The following CEP85L variants were observed in gnomAD, a reference collection of about 807,000 sequenced individuals.
CEP85L encodes centrosomal protein 85L.
In CEP85L, 60 loss-of-function variants were observed where a neutral mutation model predicts 100.3. The ratio of observed to expected loss-of-function variants is 0.60; its 90% CI spans 0.49 to 0.74. The LOEUF is 0.74. CEP85L is among the 30% of genes least tolerant of loss of function. CEP85L has a pLI of 0.00. For synonymous variants in CEP85L, 319 were observed against 322.7 expected, an observed-to-expected ratio of 0.99 and a Z score of 0.12; for missense variants, 973 against 936.2, an observed-to-expected ratio of 1.04 and a Z score of -0.51.
At chr6:118,650,382 T>C (rs1775468451) in intron 1 of CEP85L, among the ~76,000 whole-genome samples, 1 of 152,196 alleles carries the variant, frequency 6.6e-6, no homozygotes. Flanking sequence ...GGATTTATCC[T>C]AATTTTGTGG....
chr6:118,566,617 C>A (rs1353313702), intron 2 of CEP85L, among the ~76,000 whole-genome samples: 1 of 152,062 alleles, frequency 6.6e-6, no homozygotes, highest in Non-Finnish European at 1.5e-5. Context: ...CGGGGCTTTG[C>A]CATGTTGGGC....
intron 1 of CEP85L, among the ~76,000 whole-genome samples, chr6:118,671,698 G>A (rs1405102828): frequency 1.3e-5 from 2 of 152,156 alleles, no homozygotes; most frequent in Non-Finnish European, 2.9e-5. Flanking sequence ...AGCACTTTGG[G>A]AGGCTGAGGA....
chr6:118,579,122 T>C (rs534188227), intron 2 of CEP85L, among the ~76,000 whole-genome samples: 9 of 152,274 alleles, frequency 5.9e-5, no homozygotes, highest in African/African-American at 1.9e-4. Context: ...TCTTGAACTC[T>C]TAGGCTCAAG....
chr6:118,464,781 G>C lies in CEP85L; in HGVS notation c.*624C>G, dbSNP rs1173837870. The C allele has an allele frequency of 1.1e-5, 1 of 91,184 alleles. No individual in the cohort carries two copies. The highest frequency in any genetic ancestry group is 4.4e-5 in the African/African-American group (1 of 22,976). 5.6% of individuals were successfully genotyped at this position (91,184 alleles called of 1,614,324 possible). The stretch of plus-strand genomic sequence containing the variant: ...TGGAAAAACAGCTGACCTATCTACA[G>C]TACTAAAATCAGCTCAACCACAAAC... On this transcript the variant is annotated 3_prime_UTR_variant, in exon 13 of 13. Coordinates refer to ENST00000368491, the MANE Select transcript of CEP85L (RefSeq NM_001042475.3).
intron 3 of CEP85L, among the ~76,000 whole-genome samples, chr6:118,529,853 A>T (rs1777192870): frequency 6.6e-6 from 1 of 152,108 alleles, no homozygotes; most frequent in South Asian, 2.1e-4. Context: ...TAAAACCTTC[A>T]GACTAAAAGT....
chr6:118,635,403 T>C (rs73766591), intron 1 of CEP85L, among the ~76,000 whole-genome samples: 1 of 152,124 alleles, frequency 6.6e-6, no homozygotes, highest in Non-Finnish European at 1.5e-5. Flanking sequence ...TTTACATACA[T>C]GGAAGAAGCT....
chr6:118,489,984 TAC>T (rs377195681), intron 6 of CEP85L, among the ~76,000 whole-genome samples: 179 of 150,712 alleles, frequency 1.2e-3, no homozygotes, highest in Non-Finnish European at 1.9e-3. Context: ...TGTATATATA[TAC>T]ACACACACAC....
intron 4 of CEP85L, among the ~76,000 whole-genome samples, chr6:118,522,543 T>G (rs1776726364): frequency 6.6e-6 from 1 of 152,102 alleles, no homozygotes; most frequent in Non-Finnish European, 1.5e-5. Context: ...TATGGAAGTA[T>G]CAAGTTTTAA....
intron 2 of CEP85L, among the ~76,000 whole-genome samples, chr6:118,600,343 G>C (rs1473210063): frequency 4.4e-5 from 6 of 135,278 alleles, no homozygotes; most frequent in African/African-American, 1.6e-4. Context: ...GTGTGTGTGT[G>C]TGTGTGTGTG....
chr6:118,541,042 G>A (rs1213320647), intron 3 of CEP85L, among the ~76,000 whole-genome samples: 3 of 152,078 alleles, frequency 2.0e-5, no homozygotes, highest in Admixed American at 2.0e-4. Flanking sequence ...ACTTTTTCAA[G>A]TTAGCTAAGG....
intron 2 of CEP85L, among the ~76,000 whole-genome samples, chr6:118,605,951 T>C (rs1583154669): frequency 6.7e-6 from 1 of 149,664 alleles, no homozygotes; most frequent in African/African-American, 2.5e-5. Flanking sequence ...GAGGCAGAGG[T>C]TGCGGTGAGC....
At chr6:118,691,057 G>A (rs1304102938) in intron 1 of CEP85L, among the ~76,000 whole-genome samples, 1 of 151,826 alleles carries the variant, frequency 6.6e-6, no homozygotes. Flanking sequence ...AAGAGGGAGA[G>A]ACAGTTTAAA....
intron 11 of CEP85L, among the ~76,000 whole-genome samples, chr6:118,470,063 T>C (rs998975370): frequency 6.6e-6 from 1 of 152,178 alleles, no homozygotes; most frequent in Admixed American, 6.6e-5. Flanking sequence ...TATGTTAATG[T>C]TGATAGGAAC....
chr6:118,542,914 A>C (rs1485392813), intron 3 of CEP85L, among the ~76,000 whole-genome samples: 1 of 150,640 alleles, frequency 6.6e-6, no homozygotes, highest in Admixed American at 6.6e-5. Context: ...AAAAAAAAAA[A>C]AAAAAAAAAC....
intron 1 of CEP85L, among the ~76,000 whole-genome samples, chr6:118,709,653 G>C (rs1182360800): frequency 6.6e-6 from 1 of 151,338 alleles, no homozygotes; most frequent in Non-Finnish European, 1.5e-5. Flanking sequence ...AGACTTTCCA[G>C]CTTATTTTCT....
intron 2 of CEP85L, among the ~76,000 whole-genome samples, chr6:118,625,378 C>A (rs899250707): frequency 6.6e-6 from 1 of 152,206 alleles, no homozygotes; most frequent in African/African-American, 2.4e-5. Context: ...CCGCCACGCC[C>A]GAGCGCCTAT....
At chr6:118,646,561 C>G (rs1055625730) in intron 1 of CEP85L, among the ~76,000 whole-genome samples, 5 of 151,688 alleles carry the variant, frequency 3.3e-5, no homozygotes, top group Non-Finnish European at 7.4e-5. Flanking sequence ...CCCAGATACT[C>G]GGGAGGCTGA....
At chr6:118,595,045 C>A (rs966276748) in intron 2 of CEP85L, among the ~76,000 whole-genome samples, 1 of 152,090 alleles carries the variant, frequency 6.6e-6, no homozygotes, top group African/African-American at 2.4e-5. Flanking sequence ...GTCCTATACT[C>A]CCAGTTTCCT....
At chr6:118,468,932 G>C (rs984136231) in intron 12 of CEP85L, 140 bp downstream of exon 12, 1 of 624,000 alleles carries the variant, frequency 1.6e-6, no homozygotes, top group Admixed American at 2.8e-5. Context: ...GTAATAACAG[G>C]TATACATAAA....
Sources: allele counts gnomAD v4.1 joint callset (sites outside exome capture counted in the v4.1 genomes callset), GRCh38; gene constraint gnomAD v4.1.1; transcripts MANE v1.5; gene names NCBI Gene and HGNC (gene_info 2026-07-23, HGNC 2026-07-21).